The following ERCC6L2 variants were observed in gnomAD, a reference collection of about 807,000 sequenced individuals.
ERCC6L2 encodes the protein DNA excision repair protein ERCC-6-like 2.
ERCC6L2 carries 77 observed loss-of-function variants against 132.0 expected under a neutral mutation model. That is an observed-to-expected ratio of 0.58 (90% CI 0.49 to 0.71). The LOEUF (loss-of-function observed/expected upper bound fraction) is 0.71, where lower values mean the gene tolerates loss of function less well. Ranked by LOEUF, ERCC6L2 falls within the 30% of genes least tolerant of loss-of-function variation. The pLI, the probability that ERCC6L2 is intolerant of heterozygous loss-of-function variation, is 0.00. For synonymous variants in ERCC6L2, 583 were observed against 632.4 expected (o/e 0.92, Z 1.17); for missense variants, 1,542 against 1,837.6 (o/e 0.84, Z 2.94).
chr9:95,909,481 A>C (rs75283164), intron 4 of ERCC6L2, among the ~76,000 whole-genome samples: 22,475 of 152,056 alleles, frequency 0.15, 1,755 homozygotes, highest in South Asian at 0.24. Context: ...CACCTTGGGC[A>C]ACTACTGATT....
chr9:96,032,342 A>G (rs1588069454), intron 19 of ERCC6L2, among the ~76,000 whole-genome samples: 1 of 152,060 alleles, frequency 6.6e-6, no homozygotes, highest in South Asian at 2.1e-4. Flanking sequence ...ACAAATGGAA[A>G]CCACCCTCAG....
intron 7 of ERCC6L2, 63 bp from the exon 8 acceptor site, chr9:95,922,242 A>G: frequency 2.7e-6 from 2 of 740,238 alleles, no homozygotes; most frequent in South Asian, 3.6e-5. Context: ...GATACATTTT[A>G]TGATGTAAGC....
intron 7 of ERCC6L2, among the ~76,000 whole-genome samples, chr9:95,921,769 T>C (rs1829878952): frequency 6.6e-6 from 1 of 152,228 alleles, no homozygotes; most frequent in South Asian, 2.1e-4. Flanking sequence ...GTACTTTTTC[T>C]AACCTTTTGT....
chr9:95,991,732 G>A (rs907903258), intron 17 of ERCC6L2, among the ~76,000 whole-genome samples: 20 of 152,140 alleles, frequency 1.3e-4, no homozygotes, highest in African/African-American at 3.6e-4. Context: ...TATTTGTAAC[G>A]TGGTATAATT....
At chr9:95,890,874 G>A (rs1828122945) in intron 2 of ERCC6L2, among the ~76,000 whole-genome samples, 1 of 152,144 alleles carries the variant, frequency 6.6e-6, no homozygotes, top group Non-Finnish European at 1.5e-5. Context: ...TCACCATGCT[G>A]CCCAGGCTGG....
intron 2 of ERCC6L2, among the ~76,000 whole-genome samples, chr9:95,897,336 T>G (rs560164090): frequency 6.6e-6 from 1 of 152,208 alleles, no homozygotes; most frequent in African/African-American, 2.4e-5. Flanking sequence ...CTCACTTGAT[T>G]TTTGGAGATG....
intron 6 of ERCC6L2, chr9:95,918,514 T>C: frequency 2.0e-6 from 1 of 497,276 alleles, no homozygotes. Flanking sequence ...ACAACATACC[T>C]ACTTGCTAAA....
chr9:96,000,729 G>C (rs1340151990), intron 17 of ERCC6L2, among the ~76,000 whole-genome samples: 1 of 152,102 alleles, frequency 6.6e-6, no homozygotes, highest in African/African-American at 2.4e-5. Context: ...TGAGCCCAGG[G>C]TCTTGCAGCA....
chr9:95,907,857 C>CACACAAACACACACACACACACA, intron 4 of ERCC6L2, among the ~76,000 whole-genome samples: 7 of 133,740 alleles, frequency 5.2e-5, no homozygotes, highest in African/African-American at 8.4e-5. Context: ...ACACACACAC[C>CACACAAACACACACACACACACA]CCCACACCCA....
At chr9:95,948,467 A>T (rs1186843031) in intron 12 of ERCC6L2, among the ~76,000 whole-genome samples, 1 of 152,232 alleles carries the variant, frequency 6.6e-6, no homozygotes, top group East Asian at 1.9e-4. Flanking sequence ...AGCCTGGCCA[A>T]CATGGTCAAA....
chr9:96,011,296 G>T (rs1233761351), intron 18 of ERCC6L2, among the ~76,000 whole-genome samples: 1 of 152,210 alleles, frequency 6.6e-6, no homozygotes, highest in Non-Finnish European at 1.5e-5. Context: ...GAAAGAAACT[G>T]TGTGGGTTCT....
chr9:95,906,748 T>C (rs1829057402), intron 3 of ERCC6L2: 1 of 464,354 alleles, frequency 2.2e-6, no homozygotes, highest in African/African-American at 2.0e-5. Flanking sequence ...AAGCTATTAC[T>C]GGGATCCAGA....
At chr9:95,876,828 C>T (rs1239817265) in intron 1 of ERCC6L2, 3 of 152,298 alleles carry the variant, frequency 2.0e-5, no homozygotes, top group Admixed American at 6.5e-5. Context: ...AGTTACAAGC[C>T]TGAATTCTGA....
chr9:96,031,914 C>A (rs371190937), intron 19 of ERCC6L2, among the ~76,000 whole-genome samples: 140 of 152,310 alleles, frequency 9.2e-4, no homozygotes, highest in African/African-American at 3.2e-3. Flanking sequence ...CATTCCCACC[C>A]CTTCTTTAAA....
At chr9:95,983,135 T>C (rs1832956800) in intron 17 of ERCC6L2, among the ~76,000 whole-genome samples, 1 of 152,236 alleles carries the variant, frequency 6.6e-6, no homozygotes, top group African/African-American at 2.4e-5. Context: ...CTATTATTTT[T>C]GTTGCTAATA....
chr9:95,902,824 T>A (rs772072463), intron 3 of ERCC6L2, among the ~76,000 whole-genome samples: 4 of 152,152 alleles, frequency 2.6e-5, no homozygotes, highest in Non-Finnish European at 5.9e-5. Context: ...AAAAGCTATT[T>A]TTAAATCTAA....
chr9:95,953,071 G>A (rs903041104), intron 12 of ERCC6L2, among the ~76,000 whole-genome samples: 1 of 152,088 alleles, frequency 6.6e-6, no homozygotes, highest in Non-Finnish European at 1.5e-5. Flanking sequence ...AGTAGCTGGG[G>A]GACTGGAGAA....
At chr9:95,901,568 A>T (rs1050541536) in intron 3 of ERCC6L2, among the ~76,000 whole-genome samples, 2 of 152,072 alleles carry the variant, frequency 1.3e-5, no homozygotes, top group South Asian at 4.2e-4. Context: ...GGTTCCTTCT[A>T]GGAAAAGTAA....
At chr9:95,883,141 C>G (rs886933483) in intron 2 of ERCC6L2, among the ~76,000 whole-genome samples, 10 of 152,228 alleles carry the variant, frequency 6.6e-5, no homozygotes, top group South Asian at 6.2e-4. Context: ...CTCACCAGAT[C>G]GTAGAATTCA....
Sources: allele counts gnomAD v4.1 joint callset (sites outside exome capture counted in the v4.1 genomes callset), GRCh38; gene constraint gnomAD v4.1.1; transcripts MANE v1.5; gene names NCBI Gene and HGNC (gene_info 2026-07-23, HGNC 2026-07-21).